The following ELAVL2 variants were observed in gnomAD, a reference collection of about 807,000 sequenced individuals.
ELAVL2 encodes the protein ELAV-like protein 2.
In ELAVL2, 4 loss-of-function variants were observed where a neutral mutation model predicts 34.6. The ratio of observed to expected loss-of-function variants is 0.12; its 90% confidence interval spans 0.06 to 0.26. The LOEUF is 0.26. Ranked by LOEUF, ELAVL2 falls within the 10% of genes least tolerant of loss-of-function variation. The pLI is 1.00. For synonymous variants in ELAVL2, 193 were observed against 154.8 expected, an observed-to-expected ratio of 1.25 and a Z score of -1.83; for missense variants, 432 against 442.8, an observed-to-expected ratio of 0.98 and a Z score of 0.22.
intron 1 of ELAVL2, among the ~76,000 whole-genome samples, chr9:23,771,093 G>C (rs2057225185): frequency 6.6e-6 from 1 of 152,202 alleles, no homozygotes; most frequent in Admixed American, 6.5e-5. Flanking sequence ...TGTGCAGGAA[G>C]ACTCAGTGAG....
At chr9:23,835,600 A>G in the ELAVL2 span, among the ~76,000 whole-genome samples, 1 of 152,156 alleles carries the variant, frequency 6.6e-6, no homozygotes, top group Non-Finnish European at 1.5e-5. Context: ...TGTTTTGAAT[A>G]AAACAAAATG....
rs747813435 is a variant in ELAVL2 at position 23,692,538 on chromosome 9, G to T, written c.*19C>A. ...GTTGTATAGTTTTCATATATAAATG[G>T]ACTGAGGACAAGAGCTCATTAGGCT... On this transcript the variant is annotated 3_prime_UTR_variant, in exon 7 of 7. Coordinates refer to ENST00000397312, the MANE Select transcript of ELAVL2 (RefSeq NM_004432.5). The T allele has an allele frequency of 1.3e-6, 2 of 1,599,564 alleles. No individual in the cohort carries two copies. Among genetic ancestry groups the T allele is most frequent in the Admixed American group, 1.7e-5 (1 of 58,770 alleles).
At chr9:23,805,758 A>G (rs1241691086) in intron 1 of ELAVL2, among the ~76,000 whole-genome samples, 1 of 152,238 alleles carries the variant, frequency 6.6e-6, no homozygotes, top group Non-Finnish European at 1.5e-5. Flanking sequence ...AGAGGGTTCC[A>G]CATGGCTATT....
In ELAVL2 at chr9:23,701,448, A is replaced by C; in HGVS notation, c.644T>G (p.Leu215Arg). 2 of 1,614,132 alleles carry C rather than the reference A, an allele frequency of 1.2e-6. No individual in the cohort carries two copies. Among genetic ancestry groups the C allele is most frequent in the Non-Finnish European group, 1.7e-6 (2 of 1,179,996 alleles). Reference protein sequence around the residue: ...NPSQKTNQAILSQLYQSPNRR... With the variant: ...NPSQKTNQAIRSQLYQSPNRR... ...GTTTGGAGACTGGTACAGCTGGGAAAGGATGGCCTGATTGGTTTTTTGGCT... is the reference window on the plus strand; with the variant it reads ...GTTTGGAGACTGGTACAGCTGGGAACGGATGGCCTGATTGGTTTTTTGGCT... Residue 215 changes from leucine to arginine, a missense_variant, in exon 5 of 7, where the codon CTT (leucine) becomes CGT (arginine). Around this residue, in one of 3 missense-constraint regions of ELAVL2, gnomAD observed 295 missense variants for 306.1 expected, o/e 0.96. Coordinates refer to ENST00000397312, the MANE Select transcript of ELAVL2 (RefSeq NM_004432.5).
chr9:23,833,555 A>G, the ELAVL2 span, among the ~76,000 whole-genome samples: 1 of 151,890 alleles, frequency 6.6e-6, no homozygotes, highest in Non-Finnish European at 1.5e-5. Flanking sequence ...GATAATTTTA[A>G]GAAGTGACAT....
chr9:23,817,411 C>A (rs1313717619), intron 1 of ELAVL2, among the ~76,000 whole-genome samples: 1 of 152,124 alleles, frequency 6.6e-6, no homozygotes, highest in African/African-American at 2.4e-5. Context: ...TGTTGTCACA[C>A]AGAACTATTC....
chr9:23,836,908 T>C, the ELAVL2 span, among the ~76,000 whole-genome samples: 2 of 152,138 alleles, frequency 1.3e-5, no homozygotes, highest in African/African-American at 4.8e-5. Context: ...CTGTGAATTT[T>C]AGAAAATGCC....
At chr9:23,713,440 T>C (rs2041526357) in intron 3 of ELAVL2, among the ~76,000 whole-genome samples, 1 of 152,154 alleles carries the variant, frequency 6.6e-6, no homozygotes, top group Admixed American at 6.5e-5. Context: ...AAATGTTCCA[T>C]GTTCCATTTC....
chr9:23,777,153 G>A (rs1451786706), intron 1 of ELAVL2, among the ~76,000 whole-genome samples: 2 of 152,182 alleles, frequency 1.3e-5, no homozygotes, highest in Non-Finnish European at 2.9e-5. Flanking sequence ...TACCTACTAA[G>A]TACCAGGCAA....
chr9:23,758,269 T>G (rs1335605286), intron 2 of ELAVL2, among the ~76,000 whole-genome samples: 10 of 152,080 alleles, frequency 6.6e-5, no homozygotes, highest in Admixed American at 6.6e-4. Context: ...TAGAGATACA[T>G]TAGTACTACC....
chr9:23,765,089 G>C (rs1293250957), intron 1 of ELAVL2: 1 of 1,600,426 alleles, frequency 6.2e-7, no homozygotes, highest in Non-Finnish European at 8.5e-7. Context: ...ATGTTAGTTT[G>C]GAGTTGCCGT....
chr9:23,747,576 C>T (rs1288983589), intron 2 of ELAVL2, among the ~76,000 whole-genome samples: 1 of 152,120 alleles, frequency 6.6e-6, no homozygotes, highest in Non-Finnish European at 1.5e-5. Context: ...CAAGACAAGA[C>T]CTTACAGCTC....
At chr9:23,725,598 T>C (rs115503066) in intron 3 of ELAVL2, among the ~76,000 whole-genome samples, 1,593 of 152,208 alleles carry the variant, frequency 0.01, 23 homozygotes, top group African/African-American at 0.035. Flanking sequence ...GTATTAACTT[T>C]TATAAAAGAA....
chr9:23,809,790 A>C (rs539671021), intron 1 of ELAVL2, among the ~76,000 whole-genome samples: 1 of 152,264 alleles, frequency 6.6e-6, no homozygotes, highest in Non-Finnish European at 1.5e-5. Flanking sequence ...GGTCATTTTG[A>C]ATCTGTAATT....
At chr9:23,822,862 G>A (rs10966089) in intron 1 of ELAVL2, among the ~76,000 whole-genome samples, 2 of 150,936 alleles carry the variant, frequency 1.3e-5, no homozygotes, top group Non-Finnish European at 3.0e-5. Context: ...GCATGATGCA[G>A]GTTTGATGCA....
upstream of ELAVL2, among the ~76,000 whole-genome samples, chr9:23,827,271 C>G (rs2065349938): frequency 6.6e-6 from 1 of 152,180 alleles, no homozygotes; most frequent in Non-Finnish European, 1.5e-5. Context: ...ACCAGAAGAC[C>G]AAGTGCTATC....
intron 2 of ELAVL2, among the ~76,000 whole-genome samples, chr9:23,740,642 G>A (rs913614): frequency 0.063 from 9,541 of 151,742 alleles, 954 homozygotes; most frequent in African/African-American, 0.21. Flanking sequence ...GAGACTATCT[G>A]TGAAAGAAAA....
intron 2 of ELAVL2, among the ~76,000 whole-genome samples, chr9:23,754,114 A>AT (rs546742939): frequency 2.3e-3 from 346 of 152,308 alleles, no homozygotes; most frequent in Admixed American, 7.9e-3. Context: ...GGAAAACTGT[A>AT]TAACTGTCTC....
At chr9:23,715,427 C>G (rs139518188) in intron 3 of ELAVL2, among the ~76,000 whole-genome samples, 1 of 152,202 alleles carries the variant, frequency 6.6e-6, no homozygotes, top group African/African-American at 2.4e-5. Flanking sequence ...GGATTACAGG[C>G]GTGAGCCACC....
Sources: allele counts gnomAD v4.1 joint callset (sites outside exome capture counted in the v4.1 genomes callset), GRCh38; gene constraint gnomAD v4.1.1; regional missense constraint gnomAD v4.1.1; transcripts MANE v1.5; gene names NCBI Gene and HGNC (gene_info 2026-07-23, HGNC 2026-07-21).